Variants in ACAD10 observed in about 807,000 individuals in gnomAD.
ACAD10 encodes acyl-CoA dehydrogenase family member 10, also known as ACAD-10.
In ACAD10, 112 loss-of-function variants were observed where a neutral mutation model predicts 116.8. The ratio of observed to expected loss-of-function variants is 0.96; its 90% CI spans 0.82 to 1.12. The LOEUF is 1.12. ACAD10 is among the 50% of genes most tolerant of loss of function. The pLI, the probability that ACAD10 is intolerant of heterozygous loss-of-function variation, is 0.00. For missense variants in ACAD10, 1,259 were observed against 1,350.2 expected (o/e 0.93, Z 1.06); for synonymous variants, 486 against 510.6 (o/e 0.95, Z 0.65).
chr12:111,688,807 A>AAAACAAAAAAAAG (rs1281510965), intron 1 of ACAD10, among the ~76,000 whole-genome samples: 1 of 150,880 alleles, frequency 6.6e-6, no homozygotes. Context: ...GTCTCAAAAC[A>AAAACAAAAAAAAG]AAACAAAAAA....
rs1890004212 is a variant in ACAD10, at chr12:111,749,278, G to A, written c.2750G>A (p.Gly917Asp). The part of the protein sequence containing the change: ...FEIAQGRLGP[G>D]RIHHCMRLIG... ...ATCGCCCAGGGCAGACTGGGCCCCG[G>A]CAGGATCCATCACTGCATGAGGCTG... The change falls in exon 18 of 21, where the codon GGC becomes GAC. Residue 917 changes from glycine (G) to aspartate (D), a missense_variant. Gly to Asp is a moderately conservative substitution (Grantham distance 94). Coordinates refer to ENST00000313698, the MANE Select transcript of ACAD10 (RefSeq NM_025247.6). The A allele has an allele frequency of 1.9e-6, 3 of 1,613,942 alleles. No homozygotes were observed. In the South Asian group the frequency reaches 3.3e-5, roughly 18 times the overall value.
chr12:111,696,640 A>C (rs1888197484), intron 2 of ACAD10, among the ~76,000 whole-genome samples: 1 of 152,206 alleles, frequency 6.6e-6, no homozygotes, highest in Admixed American at 6.5e-5. Flanking sequence ...TTTTCAGAAA[A>C]GCTTGATTTA....
intron 8 of ACAD10, among the ~76,000 whole-genome samples, chr12:111,723,063 G>C (rs1257522205): frequency 3.7e-4 from 55 of 148,188 alleles, no homozygotes; most frequent in Non-Finnish European, 6.9e-4. Flanking sequence ...GCCGGGCAGA[G>C]GGGCTCCTCA....
At chr12:111,707,726 C>T (rs1745253680) in intron 4 of ACAD10, among the ~76,000 whole-genome samples, 1 of 152,160 alleles carries the variant, frequency 6.6e-6, no homozygotes, top group African/African-American at 2.4e-5. Context: ...TTGCTGGACT[C>T]CAGGAAGTGG....
chr12:111,715,740 G>A (rs1888823446), intron 6 of ACAD10, 81 bp from the exon 7 acceptor site: 33 of 1,587,668 alleles, frequency 2.1e-5, no homozygotes, highest in Non-Finnish European at 2.6e-5. Context: ...CCCAAATGCA[G>A]AACTCATTAG....
intron 6 of ACAD10, among the ~76,000 whole-genome samples, chr12:111,714,369 A>G (rs192581669): frequency 1.9e-4 from 29 of 152,068 alleles, no homozygotes; most frequent in African/African-American, 7.0e-4. Context: ...TGTGTGCTTT[A>G]GAGGACACTT....
rs1888099861 is a variant in ACAD10 at position 111,693,035 on chromosome 12, A to G, written c.187+139A>G. The G allele has an allele frequency of 1.8e-5, 16 of 895,478 alleles. No homozygotes were observed. The South Asian group carries it at 2.3e-4, about 13-fold the overall frequency. The allele number at this position is 895,478 out of a possible 1,614,324, so 55.5% of individuals were successfully genotyped here. A position where few individuals can be genotyped will look rare whatever the true frequency, so the allele number is the denominator to read the frequency against. ...GCTCTGGCTCTCGAGTCGAATTCCA[A>G]GCACCACTAGGGGGCTGAGTGTCTT... On this transcript the variant is annotated intron_variant, in intron 2 of 20. Coordinates refer to ENST00000313698, the MANE Select transcript of ACAD10 (RefSeq NM_025247.6).
chr12:111,699,403 G>C (rs2135947529), intron 2 of ACAD10, among the ~76,000 whole-genome samples: 1 of 151,932 alleles, frequency 6.6e-6, no homozygotes, highest in East Asian at 1.9e-4. Context: ...TTCCCAGTTG[G>C]TTCCAGACTT....
intron 1 of ACAD10, among the ~76,000 whole-genome samples, chr12:111,687,300 T>G (rs1157210446): frequency 6.6e-6 from 1 of 152,220 alleles, no homozygotes; most frequent in African/African-American, 2.4e-5. Context: ...ATGCCCTGTT[T>G]AAATCAGGGT....
At chr12:111,755,549 C>A in intron 19 of ACAD10, 119 bp from the exon 20 acceptor site, 1 of 713,816 alleles carries the variant, frequency 1.4e-6, no homozygotes, top group Non-Finnish European at 2.5e-6. Context: ...ACTACAAGCA[C>A]ATGCTACCAC....
chr12:111,690,403 G>C (rs1384612297), intron 1 of ACAD10: 1 of 152,060 alleles, frequency 6.6e-6, no homozygotes, highest in African/African-American at 2.4e-5. Flanking sequence ...ATTTTTCATT[G>C]TGGCATCGTG....
chr12:111,754,217 A>C (rs1890146765), intron 19 of ACAD10, among the ~76,000 whole-genome samples: 1 of 152,206 alleles, frequency 6.6e-6, no homozygotes, highest in Non-Finnish European at 1.5e-5. Flanking sequence ...TAAGGCAGGG[A>C]AAAGGGACCC....
chr12:111,725,553 G>C (rs1203512458), intron 8 of ACAD10, among the ~76,000 whole-genome samples: 1 of 131,074 alleles, frequency 7.6e-6, no homozygotes, highest in Admixed American at 8.1e-5. Context: ...TTTTTTTTTT[G>C]AGATGGAGTC....
chr12:111,689,083 C>T (rs977626057), intron 1 of ACAD10, among the ~76,000 whole-genome samples: 5 of 151,730 alleles, frequency 3.3e-5, no homozygotes, highest in South Asian at 4.2e-4. Context: ...CCCAGCTACT[C>T]GGGAGGCTGA....
chr12:111,748,390 G>A lies in ACAD10; in HGVS notation c.2559G>A (p.Gln853=). Residue 853 remains glutamine (Q), a synonymous_variant, in exon 17 of 21, where the codon CAG becomes CAA. Transcript: ENST00000313698. ...KTDPHAPRHR[Q]QSVLLVPMDT... is the part of the protein sequence containing the mutation. ...ACCCACATGCACCAAGACACCGGCA[G>A]CAGTCTGTGCTCTTGGTTCCCATGG... The A allele has an allele frequency of 1.2e-6, 2 of 1,614,168 alleles. No individual in the cohort carries two copies. The highest frequency in any genetic ancestry group is 1.1e-5 in the South Asian group (1 of 91,084).
chr12:111,742,373 A>G (rs7962138), intron 12 of ACAD10, among the ~76,000 whole-genome samples: 41,858 of 152,014 alleles, frequency 0.28, 7,631 homozygotes, highest in East Asian at 0.9. Flanking sequence ...TGTGTCTGCA[A>G]GGAAGAGGCT....
chr12:111,709,502 C>T, intron 4 of ACAD10, 24 bp from the exon 5 acceptor site: 1 of 1,515,592 alleles, frequency 6.6e-7, no homozygotes, highest in Non-Finnish European at 8.8e-7. Context: ...GGACATTCAT[C>T]TCTCATTCCT....
chr12:111,713,310 C>CG lies in ACAD10; in HGVS notation c.850+659dup, dbSNP rs559278260. ...TGGGTGACAGAGCAAGACTCCATCTCGGGGGGAAAAAAAAAAAGAATTTGC... is the reference window on the plus strand; with the variant it reads ...TGGGTGACAGAGCAAGACTCCATCTCGGGGGGGAAAAAAAAAAAGAATTTGC... On this transcript the variant is annotated intron_variant, in intron 6 of 20. Coordinates refer to ENST00000313698, the MANE Select transcript of ACAD10 (RefSeq NM_025247.6). 6.2e-4 allele frequency among the ~76,000 whole-genome samples: 90 copies of CG among 144,772 alleles called. No individual in the cohort carries two copies. In the South Asian group the frequency reaches 8.3e-3, roughly 13 times the overall value. The allele number at this position is 144,772 out of a possible 152,430, so 95.0% of individuals were successfully genotyped here.
At chr12:111,719,120 CAAAAA>C (rs551878144) in intron 7 of ACAD10, among the ~76,000 whole-genome samples, 2,351 of 139,510 alleles carry the variant, frequency 0.017, 69 homozygotes, top group African/African-American at 0.058. Flanking sequence ...GACTCTGTCT[CAAAAA>C]AAAAAGAAAA....
Sources: gnomAD v4.1 joint callset for allele counts (sites outside exome capture counted in the v4.1 genomes callset) on GRCh38, gnomAD v4.1.1 for gene constraint, MANE v1.5 for transcripts, NCBI Gene and HGNC (gene_info 2026-07-23, HGNC 2026-07-21) for gene names.